STARD13: variants seen among roughly 807,000 people sequenced by gnomAD.
The protein encoded by STARD13 is StAR related lipid transfer domain containing 13.
A neutral mutation model predicts 106.4 loss-of-function variants in STARD13; 62 were observed. That is an observed-to-expected ratio of 0.58 (90% CI 0.48 to 0.72). The LOEUF is 0.72. Ranked by LOEUF, STARD13 falls within the 30% of genes least tolerant of loss-of-function variation. The probability of loss-of-function intolerance (pLI) is 0.00; values close to 1 mark genes in which losing one functional copy is unlikely to be tolerated. For missense variants in STARD13, 1,387 were observed against 1,424.0 expected, an observed-to-expected ratio of 0.97 and a Z score of 0.42; for synonymous variants, 565 against 553.0, an observed-to-expected ratio of 1.02 and a Z score of -0.31.
the STARD13 span, among the ~76,000 whole-genome samples, chr13:33,432,057 G>A: frequency 1.3e-5 from 2 of 152,076 alleles, no homozygotes; most frequent in African/African-American, 2.4e-5. Context: ...AGTCTCTGAG[G>A]TATAGAAGAG....
the STARD13 span, among the ~76,000 whole-genome samples, chr13:33,387,844 G>T: frequency 6.6e-6 from 1 of 152,212 alleles, no homozygotes; most frequent in African/African-American, 2.4e-5. Context: ...TCATGGACAA[G>T]GAGTGAAACT....
chr13:33,557,373 G>T, the STARD13 span, among the ~76,000 whole-genome samples: 1 of 152,050 alleles, frequency 6.6e-6, no homozygotes, highest in Admixed American at 6.6e-5. Flanking sequence ...TAATACTCTT[G>T]TATAAATCTG....
intron 2 of STARD13, among the ~76,000 whole-genome samples, chr13:33,166,180 G>T (rs1262966747): frequency 6.6e-6 from 1 of 152,014 alleles, no homozygotes; most frequent in African/African-American, 2.4e-5. Flanking sequence ...TAAATCTAAG[G>T]GTATCTAAAT....
the STARD13 span, among the ~76,000 whole-genome samples, chr13:33,446,020 C>T: frequency 2.0e-5 from 3 of 151,952 alleles, no homozygotes; most frequent in African/African-American, 7.3e-5. Context: ...ACAAATTATA[C>T]ATAAAAAGTA....
chr13:33,458,530 C>T, the STARD13 span, among the ~76,000 whole-genome samples: 1 of 152,074 alleles, frequency 6.6e-6, no homozygotes, highest in South Asian at 2.1e-4. Context: ...CTTTTAGTCT[C>T]ACTAGGTGCT....
intron 7 of STARD13, among the ~76,000 whole-genome samples, chr13:33,120,084 C>T (rs1397235302): frequency 2.0e-5 from 3 of 152,312 alleles, no homozygotes; most frequent in Admixed American, 2.0e-4. Context: ...TTCTCATAAT[C>T]GAGATGCCCT....
intron 1 of STARD13, among the ~76,000 whole-genome samples, chr13:33,305,196 T>G (rs993323714): frequency 2.6e-5 from 4 of 152,228 alleles, no homozygotes; most frequent in Admixed American, 6.5e-5. Flanking sequence ...TCCCAAGCTT[T>G]TGATGTCAAA....
chr13:33,620,426 G>A, the STARD13 span, among the ~76,000 whole-genome samples: 21 of 151,788 alleles, frequency 1.4e-4, no homozygotes, highest in South Asian at 1.5e-3. Context: ...AGGATTACAG[G>A]TGCCCGCCAC....
chr13:33,253,283 T>A (rs191546767), intron 1 of STARD13, among the ~76,000 whole-genome samples: 8 of 152,350 alleles, frequency 5.3e-5, no homozygotes, highest in Non-Finnish European at 1.2e-4. Flanking sequence ...GGATTTGTGA[T>A]GTGATGTTCA....
intron 1 of STARD13, among the ~76,000 whole-genome samples, chr13:33,269,791 G>C (rs1377718688): frequency 6.6e-6 from 1 of 152,156 alleles, no homozygotes; most frequent in African/African-American, 2.4e-5. Context: ...GGTGAAAAAT[G>C]AGAAGAAAGA....
At chr13:33,558,755 A>C in the STARD13 span, among the ~76,000 whole-genome samples, 3 of 151,206 alleles carry the variant, frequency 2.0e-5, no homozygotes, top group African/African-American at 7.4e-5. Flanking sequence ...AGTCACTCCC[A>C]TATAATTCTA....
At chr13:33,196,068 G>A (rs920336166) in intron 1 of STARD13, among the ~76,000 whole-genome samples, 6 of 152,170 alleles carry the variant, frequency 3.9e-5, no homozygotes, top group South Asian at 2.1e-4. Flanking sequence ...TTAAAATTTC[G>A]TATTAAAATA....
At chr13:33,606,170 A>G in the STARD13 span, among the ~76,000 whole-genome samples, 1 of 152,160 alleles carries the variant, frequency 6.6e-6, no homozygotes, top group Non-Finnish European at 1.5e-5. Context: ...GTGTAGTGGC[A>G]GGTATCTGTA....
chr13:33,570,679 C>CTGAA, the STARD13 span, among the ~76,000 whole-genome samples: 2 of 120,868 alleles, frequency 1.7e-5, no homozygotes, highest in African/African-American at 3.0e-5. Flanking sequence ...ACAGTTTGCT[C>CTGAA]ATTTCGGAAG....
chr13:33,464,337 A>G, the STARD13 span, among the ~76,000 whole-genome samples: 2 of 152,154 alleles, frequency 1.3e-5, no homozygotes, highest in African/African-American at 4.8e-5. Context: ...GATATGTACA[A>G]TGAAGAACAA....
At chr13:33,588,502 G>A in the STARD13 span, among the ~76,000 whole-genome samples, 11 of 152,272 alleles carry the variant, frequency 7.2e-5, no homozygotes, top group African/African-American at 2.6e-4. Flanking sequence ...ATCATCTAAT[G>A]CATTCCTAAA....
chr13:33,125,840 G>A (rs1194172759), intron 7 of STARD13, among the ~76,000 whole-genome samples: 2 of 152,202 alleles, frequency 1.3e-5, no homozygotes, highest in Non-Finnish European at 2.9e-5. Flanking sequence ...GGAACAAACT[G>A]TTAACGTCAA....
the STARD13 span, among the ~76,000 whole-genome samples, chr13:33,569,750 A>G: frequency 6.7e-6 from 1 of 148,168 alleles, no homozygotes; most frequent in African/African-American, 2.5e-5. Context: ...AAATGGCAAC[A>G]GAGTAGATTA....
intron 3 of STARD13, chr13:33,155,625 A>G (rs1881857712): frequency 6.6e-6 from 1 of 152,228 alleles, no homozygotes; most frequent in Non-Finnish European, 1.5e-5. Context: ...GTTGAAAAAG[A>G]TCACAAAAGA....
Sources: allele counts gnomAD v4.1 joint callset (sites outside exome capture counted in the v4.1 genomes callset), GRCh38; gene constraint gnomAD v4.1.1; transcripts MANE v1.5; gene names NCBI Gene and HGNC (gene_info 2026-07-23, HGNC 2026-07-21).